PHACTR1: variants seen among roughly 807,000 people sequenced by gnomAD.
PHACTR1 encodes the protein phosphatase and actin regulator 1.
In PHACTR1, 16 loss-of-function variants were observed where a neutral mutation model predicts 69.2. The ratio of observed to expected loss-of-function variants is 0.23; its 90% CI spans 0.16 to 0.35. PHACTR1 has a LOEUF of 0.35. PHACTR1 is among the 10% of genes least tolerant of loss of function. The pLI is 1.00. For missense variants in PHACTR1, 510 were observed against 734.7 expected (o/e 0.69, Z 3.54); for synonymous variants, 312 against 284.5 (o/e 1.10, Z -0.97).
At chr6:13,090,459 G>A (rs1026934808) in intron 5 of PHACTR1, among the ~76,000 whole-genome samples, 30 of 151,992 alleles carry the variant, frequency 2.0e-4, no homozygotes, top group Admixed American at 1.3e-3. Flanking sequence ...CCGAGTAGCT[G>A]GGACTATAGG....
Position 12,761,660 on chromosome 6 carries a change from A to G in PHACTR1, c.250+11870A>G, listed in dbSNP as rs567472511. Among the ~76,000 whole-genome samples, 18 of 152,298 alleles carry G rather than the reference A, an allele frequency of 1.2e-4. No homozygotes were observed. The South Asian group carries it at 2.9e-3, about 25-fold the overall frequency. ...ATTTGCCACGTAGGCTGCTAGTCCA[A>G]CTTAGCCCAAGGCAGACACTCAGCC... On this transcript the variant is annotated intron_variant, in intron 4 of 14. Coordinates refer to ENST00000332995, the MANE Select transcript of PHACTR1 (RefSeq NM_030948.6).
intron 4 of PHACTR1, among the ~76,000 whole-genome samples, chr6:12,766,798 G>A (rs1443766158): frequency 1.3e-5 from 2 of 152,174 alleles, no homozygotes; most frequent in Non-Finnish European, 2.9e-5. Context: ...GAATGGTTTT[G>A]CTCAACCAAT....
chr6:13,131,614 ACT>A (rs1404392305), intron 5 of PHACTR1, among the ~76,000 whole-genome samples: 1 of 152,136 alleles, frequency 6.6e-6, no homozygotes, highest in Non-Finnish European at 1.5e-5. Context: ...AATTTCTGTA[ACT>A]CTCAATAAGT....
rs1028932229 is a variant in PHACTR1, at chr6:12,811,340, A to G, written c.250+61550A>G. Among the ~76,000 whole-genome samples the G allele has an allele frequency of 2.1e-4, 32 of 152,248 alleles. 1 individual carries two copies. The highest frequency in any genetic ancestry group is 6.3e-4 in the African/African-American group (26 of 41,470). ...GGTTTATTTAAAACCATTACATAAA[A>G]TGAATCCTTGATTATATAAGGCTAC... is the stretch of plus-strand genomic sequence containing the variant. On this transcript the variant is annotated intron_variant, in intron 4 of 14. Coordinates refer to ENST00000332995, the MANE Select transcript of PHACTR1 (RefSeq NM_030948.6).
intron 5 of PHACTR1, among the ~76,000 whole-genome samples, chr6:13,055,664 G>T (rs1017663575): frequency 6.6e-6 from 1 of 152,210 alleles, no homozygotes; most frequent in African/African-American, 2.4e-5. Flanking sequence ...TTTCCTCCTG[G>T]CAAGTCAAGG....
chr6:12,906,081 G>A (rs1430201419), intron 4 of PHACTR1, among the ~76,000 whole-genome samples: 1 of 152,176 alleles, frequency 6.6e-6, no homozygotes, highest in African/African-American at 2.4e-5. Context: ...GTCTATATAT[G>A]AGATAGTCAG....
At chr6:12,775,449 A>C (rs1769943992) in intron 4 of PHACTR1, among the ~76,000 whole-genome samples, 1 of 152,224 alleles carries the variant, frequency 6.6e-6, no homozygotes. Context: ...TGAACTCATT[A>C]ATCGTGTGGC....
chr6:12,827,083 C>T (rs914888975), intron 4 of PHACTR1, among the ~76,000 whole-genome samples: 3 of 152,184 alleles, frequency 2.0e-5, no homozygotes, highest in African/African-American at 7.2e-5. Flanking sequence ...AGCTGATAGT[C>T]ATTACGCTAT....
intron 4 of PHACTR1, among the ~76,000 whole-genome samples, chr6:12,854,674 A>T (rs1284811811): frequency 6.6e-6 from 1 of 152,222 alleles, no homozygotes; most frequent in Non-Finnish European, 1.5e-5. Context: ...TCTATAAGGA[A>T]CTTACACTAA....
intron 4 of PHACTR1, among the ~76,000 whole-genome samples, chr6:12,758,771 A>G (rs1251792542): frequency 6.6e-6 from 1 of 152,152 alleles, no homozygotes; most frequent in Non-Finnish European, 1.5e-5. Flanking sequence ...TTAAAGCTGG[A>G]CATTGCTAAA....
At chr6:13,146,815 C>T (rs559096190) in intron 5 of PHACTR1, among the ~76,000 whole-genome samples, 15 of 152,166 alleles carry the variant, frequency 9.9e-5, no homozygotes, top group Non-Finnish European at 1.8e-4. Flanking sequence ...ACTTCACTAG[C>T]TCTGAATCAA....
chr6:13,115,475 T>TC (rs1330108350), intron 5 of PHACTR1, among the ~76,000 whole-genome samples: 1 of 152,140 alleles, frequency 6.6e-6, no homozygotes, highest in Non-Finnish European at 1.5e-5. Context: ...AGCTACACCT[T>TC]CTTCTCCCTT....
chr6:12,765,060 G>A, intron 4 of PHACTR1, among the ~76,000 whole-genome samples: 1 of 152,116 alleles, frequency 6.6e-6, no homozygotes, highest in East Asian at 1.9e-4. Flanking sequence ...ATTAGAATTT[G>A]GTTAAAGGGG....
chr6:12,955,212 T>TTTTTTTTTTTTA (rs1491549134), intron 4 of PHACTR1, among the ~76,000 whole-genome samples: 4 of 143,414 alleles, frequency 2.8e-5, no homozygotes, highest in Admixed American at 6.8e-5. Flanking sequence ...TTTTTTTTTT[T>TTTTTTTTTTTTA]GAGAGAGATA....
intron 4 of PHACTR1, among the ~76,000 whole-genome samples, chr6:12,835,186 G>A (rs1778025403): frequency 6.6e-6 from 1 of 152,094 alleles, no homozygotes; most frequent in Non-Finnish European, 1.5e-5. Context: ...CCTGGAGTAA[G>A]AGGTGAGAAG....
chr6:12,817,889 T>C (rs1775768366), intron 4 of PHACTR1, among the ~76,000 whole-genome samples: 1 of 151,678 alleles, frequency 6.6e-6, no homozygotes, highest in Non-Finnish European at 1.5e-5. Context: ...AGTGGCACGA[T>C]CTCGGCTCAC....
intron 4 of PHACTR1, among the ~76,000 whole-genome samples, chr6:12,932,734 T>C (rs984110611): frequency 6.6e-6 from 1 of 152,192 alleles, no homozygotes. Context: ...ATTATCTCAT[T>C]AATCCATAGA....
chr6:13,276,054 AGATT>A (rs1778826633), intron 11 of PHACTR1: 1 of 151,666 alleles, frequency 6.6e-6, no homozygotes, highest in Admixed American at 6.6e-5. Flanking sequence ...TATCTCTACT[AGATT>A]AATTCATACT....
intron 5 of PHACTR1, among the ~76,000 whole-genome samples, chr6:13,071,300 C>T (rs576551222): frequency 3.9e-5 from 6 of 152,016 alleles, no homozygotes; most frequent in South Asian, 2.1e-4. Context: ...TGGTGGTGTG[C>T]GCCTGTAATC....
Sources: allele counts gnomAD v4.1 joint callset (sites outside exome capture counted in the v4.1 genomes callset), GRCh38; gene constraint gnomAD v4.1.1; transcripts MANE v1.5; gene names NCBI Gene and HGNC (gene_info 2026-07-23, HGNC 2026-07-21).